Variants in MYO15A observed in about 807,000 individuals in gnomAD.
MYO15A encodes the protein myosin XVA.
Under a neutral mutation model 394.6 loss-of-function variants are expected in MYO15A, and 308 were observed. The observed-to-expected ratio is 0.78, with a 90% CI of 0.71 to 0.86. The LOEUF (loss-of-function observed/expected upper bound fraction) is 0.86. Ranked by LOEUF, MYO15A falls within the 40% of genes least tolerant of loss-of-function variation. The pLI, the probability that MYO15A is intolerant of heterozygous loss-of-function variation, is 0.00. For missense variants in MYO15A, 4,606 were observed against 4,799.1 expected, an observed-to-expected ratio of 0.96 and a Z score of 1.19; for synonymous variants, 1,957 against 2,003.8, an observed-to-expected ratio of 0.98 and a Z score of 0.62.
Position 18,121,279 on chromosome 17 carries a change from C to CGCCGAGCCGCTGGGCGCCTGG in MYO15A, c.2483_2503dup (p.Arg828_Gly834dup), listed in dbSNP as rs2045924207. 1 of 1,370,358 alleles carries CGCCGAGCCGCTGGGCGCCTGG rather than the reference C, an allele frequency of 7.3e-7. No individual in the cohort carries two copies. Among genetic ancestry groups the CGCCGAGCCGCTGGGCGCCTGG allele is most frequent in the Non-Finnish European group, 9.4e-7 (1 of 1,066,756 alleles). 84.9% of individuals were successfully genotyped at this position (1,370,358 alleles called of 1,614,324 possible). ...CTCGCTGCAGGAGTCCCCAGCCCCA[C>CGCCGAGCCGCTGGGCGCCTGG]GCCGAGCCGCTGGGCGCCTGGGCCC... On this transcript the variant is annotated inframe_insertion, in exon 2 of 66. Transcript: ENST00000647165. The surrounding 1 kb of genome is among the most constrained non-coding windows in gnomAD (Gnocchi z 5.3).
Position 18,126,468 on chromosome 17 carries a change from G to T in MYO15A, c.3866+12G>T, listed in dbSNP as rs533500962. The stretch of plus-strand genomic sequence containing the variant: ...GGAGAGAATCCCCCGTGAGTGTCTC[G>T]GGGGCGCTGCCCTGGGGTCTCTTGG... On this transcript the variant is annotated intron_variant, in intron 5 of 65. Coordinates refer to ENST00000647165, the MANE Select transcript of MYO15A (RefSeq NM_016239.4). 1 of 1,611,768 alleles carries T rather than the reference G, an allele frequency of 6.2e-7. No homozygotes were observed. Among genetic ancestry groups the T allele is most frequent in the South Asian group, 1.1e-5 (1 of 90,952 alleles).
At chr17:18,134,252 T>A (rs544020367) in intron 12 of MYO15A, among the ~76,000 whole-genome samples, 1 of 152,332 alleles carries the variant, frequency 6.6e-6, no homozygotes, top group Non-Finnish European at 1.5e-5. Context: ...CCTCCCAAAG[T>A]GCTGGGATTA....
chr17:18,126,559 T>C, intron 5 of MYO15A, 103 bp downstream of exon 5: 1 of 1,211,056 alleles, frequency 8.3e-7, no homozygotes, highest in East Asian at 2.5e-5. Flanking sequence ...TCAGAGGTAA[T>C]GGGGAAAGGC....
At chr17:18,169,478 A>C (rs2046908052) in intron 62 of MYO15A, 1 of 149,066 alleles carries the variant, frequency 6.7e-6, no homozygotes, top group African/African-American at 2.5e-5. Flanking sequence ...AATAATAATA[A>C]CAGGACCTCG....
intron 23 of MYO15A, 38 bp downstream of exon 23, chr17:18,141,808 A>G (rs1386062229): frequency 6.3e-7 from 1 of 1,598,018 alleles, no homozygotes; most frequent in Admixed American, 1.7e-5. Flanking sequence ...GGAGACCCCA[A>G]GTTTGGGGGG....
rs373516911 is a variant in MYO15A at position 18,150,463 on chromosome 17, T to A, written c.7247T>A (p.Met2416Lys). The change falls in exon 36 of 66, where the codon ATG (methionine) becomes AAG (lysine). Residue 2416 changes from methionine to lysine, a missense_variant. Physicochemically the swap from Met to Lys is moderately conservative, Grantham distance 95 (BLOSUM62 -1). Around this residue, in one of 2 missense-constraint regions of MYO15A, gnomAD observed 2,776 missense variants for 3,109.3 expected, o/e 0.89. Coordinates refer to ENST00000647165, the MANE Select transcript of MYO15A (RefSeq NM_016239.4). This position sits in a 1 kb window ranked among gnomAD's most constrained non-coding sequence, Gnocchi z 4.4. ...LEKPTAIAYR[M>K]KGGGQPGGGS... ...AAGCCAACAGCCATTGCCTACCGCATGAAAGGGGGAGGCCAGCCCGGTGGA... is the reference window on the plus strand; with the variant it reads ...AAGCCAACAGCCATTGCCTACCGCAAGAAAGGGGGAGGCCAGCCCGGTGGA... 33 of 1,613,796 alleles carry A rather than the reference T, an allele frequency of 2.0e-5. No individual in the cohort carries two copies. Among genetic ancestry groups the A allele is most frequent in the Admixed American group, 5.0e-5 (3 of 59,972 alleles).
At chr17:18,137,931 C>A in intron 16 of MYO15A, 184 bp from the exon 17 acceptor site, 1 of 918,358 alleles carries the variant, frequency 1.1e-6, no homozygotes, top group Non-Finnish European at 1.6e-6. Flanking sequence ...CTGTCCCAGG[C>A]AGAGGGAGCA....
rs763127538 is a variant in MYO15A, at chr17:18,157,794, C to T, written c.8861C>T (p.Pro2954Leu). ...GAGCTGGTGCAGCCCGCTGCTGCCC[C>T]CGACTTCCTGCAGCTGCCAACGGAG... ...PSELVQPAAA[P>L]DFLQLPTEPG... The change falls in exon 51 of 66, where the codon CCC becomes CTC. Residue 2954 changes from proline to leucine, a missense_variant. Pro to Leu is a moderately conservative substitution (Grantham distance 98). Transcript: ENST00000647165. 2.5e-6 allele frequency: 4 copies of T among 1,603,478 alleles called. No individual in the cohort carries two copies. Among genetic ancestry groups the T allele is most frequent in the African/African-American group, 2.7e-5 (2 of 74,910 alleles).
Position 18,140,672 on chromosome 17 carries a change from T to A in MYO15A, c.5360+7T>A, listed in dbSNP as rs9906777. On this transcript the variant is annotated splice_region_variant and intron_variant, in intron 20 of 65. Coordinates refer to ENST00000647165, the MANE Select transcript of MYO15A (RefSeq NM_016239.4). ...TGGTGGAAAAGATGGAGAGGTGGGG[T>A]GGGGGGCAGGTGGGCGGAGCACCCA... 5.0e-6 allele frequency: 8 copies of A among 1,613,550 alleles called. No individual in the cohort carries two copies. The highest frequency in any genetic ancestry group is 5.9e-6 in the Non-Finnish European group (7 of 1,179,954).
rs1380110385 is a variant in MYO15A, at chr17:18,143,578, T to C, written c.5923T>C (p.Trp1975Arg). The change falls in exon 26 of 66, where the codon TGG becomes CGG. Residue 1975 changes from tryptophan (W) to arginine (R), a missense_variant. This residue lies in a region of MYO15A where 2,776 missense variants were observed against 3,109.3 expected (regional missense o/e 0.89). Transcript: ENST00000647165. ...TTCTCTTCTGAAGCTGAGGGCAGAG[T>C]GGAGGTGCCAGGTGGAGGGGGCGCT... ...RRRYLKLRAE[W>R]RCQVEGALLW... 1 of 1,559,984 alleles carries C rather than the reference T, an allele frequency of 6.4e-7. No homozygotes were observed. The highest frequency in any genetic ancestry group is 8.7e-7 in the Non-Finnish European group (1 of 1,151,706).
chr17:18,172,288 C>T lies in MYO15A; in HGVS notation c.10348C>T (p.His3450Tyr). The T allele has an allele frequency of 6.2e-7, 1 of 1,614,202 alleles. No homozygotes were observed. Among genetic ancestry groups the T allele is most frequent in the Non-Finnish European group, 8.5e-7 (1 of 1,180,032 alleles). Reference sequence around the variant, plus strand: ...CCTCAACTTTCTCAGCACAGAGACTCATGTGAGTGGCCTCAGCCTGGCACT... The same window carrying T: ...CCTCAACTTTCTCAGCACAGAGACTTATGTGAGTGGCCTCAGCCTGGCACT... ...NGLNFLSTETHELMVKFPLKE... is the reference protein window; with the variant it reads ...NGLNFLSTETYELMVKFPLKE... Residue 3450 changes from histidine to tyrosine, a missense_variant and splice_region_variant, in exon 64 of 66, where the codon CAT (histidine) becomes TAT (tyrosine). Transcript: ENST00000647165.
chr17:18,110,878 G>C (rs2045711629), intron 1 of MYO15A, among the ~76,000 whole-genome samples: 1 of 152,170 alleles, frequency 6.6e-6, no homozygotes, highest in African/African-American at 2.4e-5. Context: ...CCACTTGCCA[G>C]GAATACTGTT....
At chr17:18,126,002 C>T (rs1302223745) in intron 4 of MYO15A, among the ~76,000 whole-genome samples, 1 of 152,248 alleles carries the variant, frequency 6.6e-6, no homozygotes, top group East Asian at 1.9e-4. Context: ...TTCCCCAACT[C>T]CTCACTCTAG....
chr17:18,171,551 G>A lies in MYO15A; in HGVS notation c.10083-87G>A. On this transcript the variant is annotated intron_variant, in intron 62 of 65. Transcript: ENST00000647165. ...GTCTTCCAGGGAGGTGCATAGATCAGGACTGCTCTGCATGCCTGCTGCACA... is the reference window on the plus strand; with the variant it reads ...GTCTTCCAGGGAGGTGCATAGATCAAGACTGCTCTGCATGCCTGCTGCACA... 3.8e-6 allele frequency: 6 copies of A among 1,591,802 alleles called. No individual in the cohort carries two copies. The South Asian group carries it at 5.5e-5, about 15-fold the overall frequency.
At chr17:18,149,405 T>TG in intron 34 of MYO15A, 29 bp downstream of exon 34, 1 of 1,609,454 alleles carries the variant, frequency 6.2e-7, no homozygotes, top group East Asian at 2.2e-5. Context: ...CTGTCTCTGG[T>TG]GGGGAGGGAG....
rs1448867583 is a variant in MYO15A, at chr17:18,133,534, T to G, written c.4482+148T>G. On this transcript the variant is annotated intron_variant, in intron 12 of 65. Transcript: ENST00000647165. ...CTTTTTTCCTTTGGGGTTGTTCATC[T>G]TTTTCCTCCTTATATATATTAAGGA... is the stretch of plus-strand genomic sequence containing the variant. 3 of 1,049,698 alleles carry G rather than the reference T, an allele frequency of 2.9e-6. No individual in the cohort carries two copies. In the Admixed American group the frequency reaches 8.6e-5, roughly 30 times the overall value. The allele number at this position is 1,049,698 out of a possible 1,614,324, so 65.0% of individuals were successfully genotyped here.
At chr17:18,138,350 C>T in intron 17 of MYO15A, 104 bp downstream of exon 17, 1 of 1,445,372 alleles carries the variant, frequency 6.9e-7, no homozygotes. Flanking sequence ...TGGCCTGAGT[C>T]AGGCAGTGGG....
chr17:18,121,463 G>A lies in MYO15A; in HGVS notation c.2663G>A (p.Arg888His). The change falls in exon 2 of 66, where the codon CGC becomes CAC. Residue 888 changes from arginine (R) to histidine (H), a missense_variant. By Grantham distance (29) the Arg-to-His change is conservative. Transcript: ENST00000647165. This position sits in a 1 kb window ranked among gnomAD's most constrained non-coding sequence, Gnocchi z 5.3. ...PPTRAVKPQV[R>H]LPFHRPPRAG... is the part of the protein sequence containing the mutation. ...ACTCGGGCTGTGAAGCCGCAAGTGC[G>A]CCTGCCCTTCCACCGACCGCCCAGG... is the stretch of plus-strand genomic sequence containing the variant. 1.3e-6 allele frequency: 2 copies of A among 1,549,406 alleles called. No individual in the cohort carries two copies. Among genetic ancestry groups the A allele is most frequent in the African/African-American group, 1.4e-5 (1 of 73,166 alleles).
At position 18,148,587 on chromosome 17, in the gene MYO15A, C is replaced by A. The variant is rs751481120; in HGVS notation, c.6764+19C>A. The stretch of plus-strand genomic sequence containing the variant: ...GGCACAGGTTGGCTCCTAGGATGCC[C>A]TCCCAGCACACTCTTATGTACCTGG... On this transcript the variant is annotated intron_variant, in intron 32 of 65. Transcript: ENST00000647165. This position sits in a 1 kb window ranked among gnomAD's most constrained non-coding sequence, Gnocchi z 4.8. 1 of 1,551,320 alleles carries A rather than the reference C, an allele frequency of 6.4e-7. No individual in the cohort carries two copies. Among genetic ancestry groups the A allele is most frequent in the South Asian group, 1.2e-5 (1 of 84,052 alleles).
Sources: gnomAD v4.1 joint callset for allele counts (sites outside exome capture counted in the v4.1 genomes callset) on GRCh38, gnomAD v4.1.1 for gene constraint, gnomAD v4.1.1 regional missense constraint, Gnocchi (gnomAD v3.1) non-coding constraint, MANE v1.5 for transcripts, NCBI Gene and HGNC (gene_info 2026-07-23, HGNC 2026-07-21) for gene names.